Variants in TYRP1 observed in about 807,000 individuals in gnomAD.
TYRP1 encodes tyrosinase related protein 1.
A neutral mutation model predicts 42.8 loss-of-function variants in TYRP1; 49 were observed. The ratio of observed to expected loss-of-function variants is 1.14; its 90% CI spans 0.91 to 1.45. TYRP1 has a LOEUF of 1.45. Ranked by LOEUF, TYRP1 falls within the 40% of genes most tolerant of loss-of-function variation. The pLI, the probability that TYRP1 is intolerant of heterozygous loss-of-function variation, is 0.00. For synonymous variants in TYRP1, 279 were observed against 235.4 expected, an observed-to-expected ratio of 1.19 and a Z score of -1.69; for missense variants, 848 against 662.0, an observed-to-expected ratio of 1.28 and a Z score of -3.08.
chr9:12,694,568 G>T (rs931963433), intron 2 of TYRP1, 187 bp downstream of exon 2: 3 of 692,438 alleles, frequency 4.3e-6, no homozygotes, highest in Non-Finnish European at 7.1e-6. Context: ...TGGAGTTGAA[G>T]CTCAGAACTT....
At chr9:12,697,634 A>T (rs1389987968) in intron 3 of TYRP1, among the ~76,000 whole-genome samples, 1 of 152,278 alleles carries the variant, frequency 6.6e-6, no homozygotes, top group East Asian at 1.9e-4. Flanking sequence ...CCATAAATAG[A>T]ACTTCTCAAG....
Position 12,709,119 on chromosome 9 carries a change from T to C in TYRP1, c.1551T>C (p.Asp517=), listed in dbSNP as rs769507025. 6.2e-7 allele frequency: 1 copy of C among 1,612,738 alleles called. No homozygotes were observed. Among genetic ancestry groups the C allele is most frequent in the East Asian group, 2.2e-5 (1 of 44,824 alleles). ...AAGCTAACCAGCCTCTCCTCACTGA[T>C]CAGTATCAATGCTATGCTGAAGAAT... ...MDEANQPLLT[D]QYQCYAEEYE... Residue 517 remains aspartate (D), a synonymous_variant, in exon 8 of 8, where the codon GAT becomes GAC. Transcript: ENST00000388918.
At position 12,708,976 on chromosome 9, in the gene TYRP1, G is replaced by A. The variant is rs1818307921; in HGVS notation, c.1409-1G>A. ...TTATTTTTATCTTCCTTTCCAAATA[G>A]GTCGGGAGTTTAGTGTACCTGAGAT... On this transcript the variant is annotated splice_acceptor_variant, in intron 7 of 7. Coordinates refer to ENST00000388918, the MANE Select transcript of TYRP1 (RefSeq NM_000550.3). LOFTEE classifies it high-confidence loss of function. 1.9e-6 allele frequency: 3 copies of A among 1,611,574 alleles called. No homozygotes were observed. Among genetic ancestry groups the A allele is most frequent in the Non-Finnish European group, 2.5e-6 (3 of 1,178,496 alleles).
Position 12,708,192 on chromosome 9 carries a change from G to T in TYRP1, c.1408+49G>T, listed in dbSNP as rs147966025. On this transcript the variant is annotated intron_variant, in intron 7 of 7. Transcript: ENST00000388918. ...ACTGTGATAATTTCCAAAAGCAAATGTGTTATCTTTCAAGTAGAGTAATCA... is the reference window on the plus strand; with the variant it reads ...ACTGTGATAATTTCCAAAAGCAAATTTGTTATCTTTCAAGTAGAGTAATCA... 1.9e-4 allele frequency: 307 copies of T among 1,603,092 alleles called. No homozygotes were observed. The African/African-American group carries it at 2.9e-3, about 15-fold the overall frequency.
In TYRP1 at chr9:12,704,606, G is replaced by C. The variant is rs368775669; in HGVS notation, c.1162G>C (p.Gly388Arg). Residue 388 changes from glycine (G) to arginine (R), a missense_variant, in exon 6 of 8, where the codon GGG becomes CGG. Coordinates refer to ENST00000388918, the MANE Select transcript of TYRP1 (RefSeq NM_000550.3). ...GGCTCATCTATTCCTGAATGGAACA[G>C]GGGGACAAACCCATTTGTCTCCAAA... Reference protein sequence around the residue: ...NLAHLFLNGTGGQTHLSPNDP... With the variant: ...NLAHLFLNGTRGQTHLSPNDP... The C allele has an allele frequency of 3.1e-6, 5 of 1,612,998 alleles. No homozygotes were observed. Among genetic ancestry groups the C allele is most frequent in the Non-Finnish European group, 4.2e-6 (5 of 1,179,472 alleles).
chr9:12,703,114 A>G (rs1325847366), intron 5 of TYRP1, among the ~76,000 whole-genome samples: 6 of 151,934 alleles, frequency 3.9e-5, no homozygotes, highest in Non-Finnish European at 7.4e-5. Context: ...AAATTTTGAT[A>G]CCTCCAAATG....
Position 12,695,740 on chromosome 9 carries a change from G to A in TYRP1, c.611G>A (p.Gly204Glu), listed in dbSNP as rs771708962. Reference sequence around the variant, plus strand: ...GTCAAAAAGACTTTCCTTGGGGTAGGACAGGAAAGCTTTGGTGAAGTGGAT... The same window carrying A: ...GTCAAAAAGACTTTCCTTGGGGTAGAACAGGAAAGCTTTGGTGAAGTGGAT... ...YSVKKTFLGV[G>E]QESFGEVDFS... Residue 204 changes from glycine (G) to glutamate (E), a missense_variant, in exon 3 of 8, where the codon GGA becomes GAA. Coordinates refer to ENST00000388918, the MANE Select transcript of TYRP1 (RefSeq NM_000550.3). The A allele has an allele frequency of 6.2e-6, 10 of 1,614,138 alleles. No individual in the cohort carries two copies. The South Asian group carries it at 1.1e-4, about 18-fold the overall frequency.
intron 3 of TYRP1, among the ~76,000 whole-genome samples, chr9:12,696,828 C>G (rs925535844): frequency 1.3e-5 from 2 of 152,060 alleles, no homozygotes; most frequent in African/African-American, 4.8e-5. Context: ...GAAATAACAG[C>G]AATGAATCTC....
At chr9:12,702,232 C>T (rs1188273129) in intron 4 of TYRP1, 39 bp from the exon 5 acceptor site, 2 of 1,606,002 alleles carry the variant, frequency 1.2e-6, no homozygotes. Flanking sequence ...GAACTCCAAA[C>T]ATTGTGTAAA....
intron 6 of TYRP1, 107 bp from the exon 7 acceptor site, chr9:12,707,890 A>G: frequency 9.1e-7 from 1 of 1,102,384 alleles, no homozygotes; most frequent in Non-Finnish European, 1.3e-6. Flanking sequence ...AATAAGAATA[A>G]AATTTTTTCA....
intron 7 of TYRP1, among the ~76,000 whole-genome samples, chr9:12,708,663 G>T (rs1294504180): frequency 6.6e-6 from 1 of 151,950 alleles, no homozygotes; most frequent in African/African-American, 2.4e-5. Context: ...AAAAGTACAA[G>T]ACTTATATTC....
At chr9:12,706,755 G>C (rs998137716) in intron 6 of TYRP1, among the ~76,000 whole-genome samples, 1 of 151,924 alleles carries the variant, frequency 6.6e-6, no homozygotes, top group Non-Finnish European at 1.5e-5. Context: ...GTGAAGAAGA[G>C]AAAGAAAAAT....
rs374170284 is a variant in TYRP1, at chr9:12,703,131, G to GAT, written c.1081+706_1081+707dup. 5.0e-3 allele frequency among the ~76,000 whole-genome samples: 757 copies of GAT among 150,918 alleles called. 4 individuals are homozygous for GAT. Among genetic ancestry groups the GAT allele is most frequent in the African/African-American group, 0.016 (640 of 41,250 alleles). On this transcript the variant is annotated intron_variant, in intron 5 of 7. Transcript: ENST00000388918. ...ATTTTGATACCTCCAAATGATGCTT[G>GAT]ATATATATATATATTTAAAGTCTTC...
At position 12,694,153 on chromosome 9, in the gene TYRP1, A is replaced by C. The variant is rs1323445431; in HGVS notation, c.157A>C (p.Thr53Pro). 2 of 1,613,974 alleles carry C rather than the reference A, an allele frequency of 1.2e-6. No homozygotes were observed. The highest frequency in any genetic ancestry group is 4.5e-5 in the East Asian group (2 of 44,816). ...CCTGTCCCCTGTGTCTGGGCCTGGG[A>C]CAGACCGCTGTGGCTCATCATCAGG... ...PDLSPVSGPG[T>P]DRCGSSSGRG... Residue 53 changes from threonine to proline, a missense_variant, in exon 2 of 8, where the codon ACA becomes CCA. By Grantham distance (38) the Thr-to-Pro change is conservative (BLOSUM62 -1). Coordinates refer to ENST00000388918, the MANE Select transcript of TYRP1 (RefSeq NM_000550.3).
chr9:12,701,995 A>T (rs1454096560), intron 4 of TYRP1, among the ~76,000 whole-genome samples: 1 of 152,026 alleles, frequency 6.6e-6, no homozygotes, highest in African/African-American at 2.4e-5. Context: ...AGAAGCATAT[A>T]TTGATTTAAC....
In TYRP1 at chr9:12,695,750, C is replaced by T. The variant is rs375140848; in HGVS notation, c.621C>T (p.Ser207=). ...CTTTCCTTGGGGTAGGACAGGAAAGCTTTGGTGAAGTGGATTTCTCTCATG... is the reference window on the plus strand; with the variant it reads ...CTTTCCTTGGGGTAGGACAGGAAAGTTTTGGTGAAGTGGATTTCTCTCATG... ...KKTFLGVGQE[S]FGEVDFSHEG... is the part of the protein sequence containing the mutation. The change falls in exon 3 of 8, where the codon AGC becomes AGT. Residue 207 remains serine, a synonymous_variant. Transcript: ENST00000388918. 6.2e-7 allele frequency: 1 copy of T among 1,614,116 alleles called. No individual in the cohort carries two copies.
At position 12,695,814 on chromosome 9, in the gene TYRP1, CT is replaced by C; in HGVS notation, c.686del (p.Leu229ArgfsTer37). 1 of 1,614,096 alleles carries C rather than the reference CT, an allele frequency of 6.2e-7. No individual in the cohort carries two copies. Among genetic ancestry groups the C allele is most frequent in the South Asian group, 1.1e-5 (1 of 91,076 alleles). Reference protein sequence around the residue: ...AFLTWHRYHLLRLEKDMQEML... With the variant: ...AFLTWHRYHLXRLEKDMQEML... ...TCTCACATGGCACAGGTACCACCTC[CT>C]GCGTCTGGAGAAAGACATGCAGGTA... On this transcript the variant is annotated frameshift_variant, in exon 3 of 8. Transcript: ENST00000388918. LOFTEE classifies it high-confidence loss of function.
chr9:12,705,176 A>ATGT lies in TYRP1; in HGVS notation c.1261+474_1261+476dup, dbSNP rs992950319. On this transcript the variant is annotated intron_variant, in intron 6 of 7. Transcript: ENST00000388918. ...AAATTGTGTTCCACTTGAAAAGTTA[A>ATGT]TGTTGGCTTTTATATCACACTATAG... is the stretch of plus-strand genomic sequence containing the variant. Among the ~76,000 whole-genome samples, 8 of 152,062 alleles carry ATGT rather than the reference A, an allele frequency of 5.3e-5. 1 individual carries two copies. The highest frequency in any genetic ancestry group is 4.1e-4 in the South Asian group (2 of 4,832).
intron 2 of TYRP1, 198 bp downstream of exon 2, chr9:12,694,579 C>T: frequency 3.1e-6 from 2 of 652,506 alleles, no homozygotes; most frequent in Non-Finnish European, 5.2e-6. Context: ...CTCAGAACTT[C>T]TGATCAATAT....
Sources: gnomAD v4.1 joint callset for allele counts (sites outside exome capture counted in the v4.1 genomes callset) on GRCh38, gnomAD v4.1.1 for gene constraint, MANE v1.5 for transcripts, NCBI Gene and HGNC (gene_info 2026-07-23, HGNC 2026-07-21) for gene names.